The following SETBP1 variants were observed in gnomAD, a reference collection of about 807,000 sequenced individuals.
The protein encoded by SETBP1 is SET-binding protein.
SETBP1 carries 9 observed loss-of-function variants against 101.0 expected under a neutral mutation model. The ratio of observed to expected loss-of-function variants is 0.09; its 90% CI spans 0.05 to 0.16. The LOEUF is 0.16. SETBP1 is among the 10% of genes least tolerant of loss of function. The pLI is 1.00. For missense variants in SETBP1, 1,858 were observed against 2,033.8 expected, an observed-to-expected ratio of 0.91 and a Z score of 1.66; for synonymous variants, 818 against 788.5, an observed-to-expected ratio of 1.04 and a Z score of -0.63.
intron 2 of SETBP1, among the ~76,000 whole-genome samples, chr18:44,817,736 G>A (rs1371116478): frequency 1.3e-5 from 2 of 151,896 alleles, no homozygotes; most frequent in Non-Finnish European, 2.9e-5. Context: ...GTTGTCTTGT[G>A]GAGGGAAAAT....
intron 3 of SETBP1, among the ~76,000 whole-genome samples, chr18:44,899,684 T>C (rs1354265263): frequency 1.3e-5 from 2 of 152,192 alleles, no homozygotes; most frequent in Non-Finnish European, 2.9e-5. Flanking sequence ...ACAACTTTAT[T>C]ATGCATTGAT....
chr18:45,038,413 G>A (rs1396372245), intron 4 of SETBP1, 72 bp from the exon 5 acceptor site: 2 of 1,349,608 alleles, frequency 1.5e-6, no homozygotes, highest in Admixed American at 1.7e-5. Flanking sequence ...CTCAGATCAT[G>A]TCCAGGTTAC....
At chr18:44,754,556 G>A (rs752200050) in intron 2 of SETBP1, among the ~76,000 whole-genome samples, 2 of 152,156 alleles carry the variant, frequency 1.3e-5, no homozygotes, top group Admixed American at 6.5e-5. Context: ...AAAGTCAGGA[G>A]CATTCTTATA....
intron 4 of SETBP1, among the ~76,000 whole-genome samples, chr18:45,013,821 A>G (rs1003600613): frequency 1.3e-5 from 2 of 152,166 alleles, no homozygotes; most frequent in Non-Finnish European, 2.9e-5. Context: ...TGAAGTCTGA[A>G]GCTCTGACGG....
At chr18:44,762,374 C>T (rs11082404) in intron 2 of SETBP1, among the ~76,000 whole-genome samples, 125,926 of 152,200 alleles carry the variant, frequency 0.83, 52,172 homozygotes, top group Admixed American at 0.87. Flanking sequence ...GTTGCACATA[C>T]AGGTTTACAT....
chr18:44,993,818 G>A (rs1662977353), intron 4 of SETBP1, among the ~76,000 whole-genome samples: 2 of 151,880 alleles, frequency 1.3e-5, no homozygotes, highest in African/African-American at 2.4e-5. Flanking sequence ...ATCTCTTAAA[G>A]AAGAAGAAAA....
At chr18:44,836,948 G>A (rs188675843) in intron 2 of SETBP1, among the ~76,000 whole-genome samples, 1 of 152,134 alleles carries the variant, frequency 6.6e-6, no homozygotes, top group Admixed American at 6.6e-5. Context: ...AACTGTATGG[G>A]GCCATGATTT....
At chr18:44,792,180 G>A (rs2071384813) in intron 2 of SETBP1, among the ~76,000 whole-genome samples, 1 of 152,176 alleles carries the variant, frequency 6.6e-6, no homozygotes, top group Non-Finnish European at 1.5e-5. Flanking sequence ...AGCAAAGGGG[G>A]AGTACAGGAC....
intron 2 of SETBP1, among the ~76,000 whole-genome samples, chr18:44,854,120 A>G (rs2072925932): frequency 2.0e-5 from 3 of 152,090 alleles, no homozygotes; most frequent in Non-Finnish European, 4.4e-5. Flanking sequence ...CCCTGAGAGC[A>G]GGGCTTATAT....
At chr18:44,968,548 C>G (rs533010521) in intron 4 of SETBP1, among the ~76,000 whole-genome samples, 1 of 152,060 alleles carries the variant, frequency 6.6e-6, no homozygotes, top group Non-Finnish European at 1.5e-5. Context: ...CTTGAGAGGG[C>G]GCTGCCAGCA....
chr18:44,980,362 A>T (rs913283679), intron 4 of SETBP1, among the ~76,000 whole-genome samples: 2 of 152,122 alleles, frequency 1.3e-5, no homozygotes, highest in Non-Finnish European at 2.9e-5. Context: ...GAAATGAGGA[A>T]ATTTTACTAC....
chr18:45,020,728 A>AT (rs997511861), intron 4 of SETBP1, among the ~76,000 whole-genome samples: 20 of 151,946 alleles, frequency 1.3e-4, no homozygotes, highest in Non-Finnish European at 1.2e-4. Context: ...TCACCATGCA[A>AT]TTTTTTTTGA....
intron 4 of SETBP1, among the ~76,000 whole-genome samples, chr18:44,995,343 G>A (rs1274265019): frequency 1.3e-5 from 2 of 151,910 alleles, no homozygotes; most frequent in African/African-American, 2.4e-5. Context: ...GGGTTTCACA[G>A]TGTTAGCCAG....
rs1568212224 is a variant in SETBP1 at position 44,910,014 on chromosome 18, T to C, written c.541-39867T>C. Among the ~76,000 whole-genome samples the C allele has an allele frequency of 1.3e-5, 2 of 152,358 alleles. 1 individual carries two copies. The highest frequency in any genetic ancestry group is 3.9e-4 in the East Asian group (2 of 5,192). ...AGATTACACTATGGTTTCTTGTCTA[T>C]GAATTCCTATTGCATTCTTTCAAGA... On this transcript the variant is annotated intron_variant, in intron 3 of 5. Transcript: ENST00000649279.
At chr18:44,928,945 T>C (rs769061221) in intron 3 of SETBP1, among the ~76,000 whole-genome samples, 5 of 152,202 alleles carry the variant, frequency 3.3e-5, no homozygotes, top group Non-Finnish European at 7.3e-5. Context: ...TTAGATCCCA[T>C]TTGTCAATTT....
chr18:44,994,392 G>C (rs1484566033), intron 4 of SETBP1, among the ~76,000 whole-genome samples: 1 of 152,160 alleles, frequency 6.6e-6, no homozygotes. Flanking sequence ...AAGGATTAAA[G>C]AATTATGGGA....
At chr18:45,048,700 C>A (rs1210917368) in intron 5 of SETBP1, among the ~76,000 whole-genome samples, 1 of 152,000 alleles carries the variant, frequency 6.6e-6, no homozygotes, top group Admixed American at 6.5e-5. Context: ...GGGCCGGGCG[C>A]GGTGGCTCAC....
At chr18:44,710,623 T>A (rs912817508) in intron 2 of SETBP1, among the ~76,000 whole-genome samples, 2 of 152,120 alleles carry the variant, frequency 1.3e-5, no homozygotes, top group East Asian at 1.9e-4. Context: ...GGCTAACTTT[T>A]GTATTTTTAG....
chr18:45,026,686 A>G (rs2073171108), intron 4 of SETBP1, among the ~76,000 whole-genome samples: 1 of 152,046 alleles, frequency 6.6e-6, no homozygotes, highest in Non-Finnish European at 1.5e-5. Context: ...CCTTTGTTAT[A>G]CTTTTCAGAG....
Sources: allele counts gnomAD v4.1 joint callset (sites outside exome capture counted in the v4.1 genomes callset), GRCh38; gene constraint gnomAD v4.1.1; transcripts MANE v1.5; gene names NCBI Gene and HGNC (gene_info 2026-07-23, HGNC 2026-07-21).